The following NFATC3 variants were observed in gnomAD, a reference collection of about 807,000 sequenced individuals.
NFATC3 encodes nuclear factor of activated T-cells, cytoplasmic 3.
Under a neutral mutation model 98.6 loss-of-function variants are expected in NFATC3, and 46 were observed. The ratio of observed to expected loss-of-function variants is 0.47; its 90% CI spans 0.37 to 0.60. The LOEUF (loss-of-function observed/expected upper bound fraction) is 0.60. Ranked by LOEUF, NFATC3 falls within the 20% of genes least tolerant of loss-of-function variation. The pLI is 0.00. For synonymous variants in NFATC3, 512 were observed against 472.2 expected, an observed-to-expected ratio of 1.08 and a Z score of -1.09; for missense variants, 1,256 against 1,295.5, an observed-to-expected ratio of 0.97 and a Z score of 0.47.
At chr16:68,206,887 A>C (rs2041167427) in intron 9 of NFATC3, among the ~76,000 whole-genome samples, 1 of 151,248 alleles carries the variant, frequency 6.6e-6, no homozygotes, top group Admixed American at 6.6e-5. Context: ...GGAGGCTGAG[A>C]TGAGAGGATC....
At chr16:68,206,189 A>G (rs1019538753) in intron 9 of NFATC3, among the ~76,000 whole-genome samples, 1 of 152,224 alleles carries the variant, frequency 6.6e-6, no homozygotes, top group African/African-American at 2.4e-5. Flanking sequence ...AGAGCTGTGA[A>G]AACCTAATTA....
chr16:68,190,206 A>T (rs1041393067), intron 8 of NFATC3, among the ~76,000 whole-genome samples: 1 of 152,202 alleles, frequency 6.6e-6, no homozygotes, highest in Admixed American at 6.5e-5. Context: ...TGATCCCCAC[A>T]TGATGGCAGA....
At chr16:68,089,937 G>C (rs2034611980) in intron 1 of NFATC3, among the ~76,000 whole-genome samples, 1 of 152,104 alleles carries the variant, frequency 6.6e-6, no homozygotes, top group Admixed American at 6.6e-5. Context: ...TCAAAGGGGA[G>C]AAATATCTTA....
At chr16:68,176,472 A>G (rs780286205) in intron 6 of NFATC3, among the ~76,000 whole-genome samples, 1 of 151,952 alleles carries the variant, frequency 6.6e-6, no homozygotes, top group Non-Finnish European at 1.5e-5. Context: ...TTTCACTACT[A>G]TAAAGTTTTT....
At chr16:68,215,302 T>G (rs1478416937) in intron 9 of NFATC3, among the ~76,000 whole-genome samples, 1 of 152,198 alleles carries the variant, frequency 6.6e-6, no homozygotes, top group East Asian at 1.9e-4. Context: ...GAGTGGTGAC[T>G]TAATTCCTGC....
In NFATC3 at chr16:68,127,086, A is replaced by G. The variant is rs539835992; in HGVS notation, c.1401+476A>G. On this transcript the variant is annotated intron_variant, in intron 3 of 9. Transcript: ENST00000346183. Reference sequence around the variant, plus strand: ...AAATGAGCAGGGCGTGGTGGCGGGCACCTGTAATCCCAGCTCTGCGGCAGG... The same window carrying G: ...AAATGAGCAGGGCGTGGTGGCGGGCGCCTGTAATCCCAGCTCTGCGGCAGG... Among the ~76,000 whole-genome samples, 187 of 151,996 alleles carry G rather than the reference A, an allele frequency of 1.2e-3. 1 individual carries two copies. Among genetic ancestry groups the G allele is most frequent in the African/African-American group, 4.2e-3 (175 of 41,446 alleles).
At position 68,122,451 on chromosome 16, in the gene NFATC3, G is replaced by A; in HGVS notation, c.568G>A (p.Asp190Asn). The A allele has an allele frequency of 6.2e-7, 1 of 1,614,070 alleles. No homozygotes were observed. Among genetic ancestry groups the A allele is most frequent in the Non-Finnish European group, 8.5e-7 (1 of 1,180,018 alleles). Residue 190 changes from aspartate (D) to asparagine (N), a missense_variant, in exon 2 of 10, where the codon GAT (aspartate) becomes AAT (asparagine). By Grantham distance (23) the Asp-to-Asn change is conservative. Transcript: ENST00000346183. ...SSCESLSHIY[D>N]DVDSELNEAA... ...TTGTGAATCGCTTTCACATATTTAT[G>A]ATGATGTGGACTCAGAGTTGAATGA...
At chr16:68,119,969 A>C (rs2036483751) in intron 1 of NFATC3, among the ~76,000 whole-genome samples, 1 of 152,138 alleles carries the variant, frequency 6.6e-6, no homozygotes, top group African/African-American at 2.4e-5. Flanking sequence ...TTAGCTCCCC[A>C]AAAATGGCAA....
Position 68,191,333 on chromosome 16 carries a change from T to C in NFATC3, c.2664T>C (p.Asn888=). The change falls in exon 9 of 10, where the codon AAT becomes AAC. Residue 888 remains asparagine, a synonymous_variant. Transcript: ENST00000346183. ...AATCAATGGGATATCATTGTTCAAA[T>C]ACAGGACAAAGATCTCTTTCTTCTC... ...HLQSMGYHCS[N]TGQRSLSSPV... The C allele has an allele frequency of 6.2e-7, 1 of 1,614,206 alleles. No individual in the cohort carries two copies.
intron 5 of NFATC3, 69 bp from the exon 6 acceptor site, chr16:68,174,305 C>A: frequency 4.2e-6 from 5 of 1,201,630 alleles, no homozygotes; most frequent in Non-Finnish European, 5.5e-6. Flanking sequence ...TTGAGTTTGT[C>A]ATTTATGTAT....
intron 4 of NFATC3, among the ~76,000 whole-genome samples, chr16:68,164,577 A>G (rs1461370809): frequency 6.6e-6 from 1 of 152,184 alleles, no homozygotes; most frequent in African/African-American, 2.4e-5. Context: ...ATATTGATGT[A>G]GCAGTGCTAC....
intron 4 of NFATC3, among the ~76,000 whole-genome samples, chr16:68,158,273 C>T (rs1252232824): frequency 6.6e-6 from 1 of 152,020 alleles, no homozygotes; most frequent in Non-Finnish European, 1.5e-5. Flanking sequence ...CTATATATTA[C>T]CAGCCAAGCC....
rs191773700 is a variant in NFATC3 at position 68,157,361 on chromosome 16, G to A, written c.1402-508G>A. Among the ~76,000 whole-genome samples the A allele has an allele frequency of 9.6e-4, 146 of 152,242 alleles. No homozygotes were observed. The Middle Eastern group carries it at 0.01, about 11-fold the overall frequency. The stretch of plus-strand genomic sequence containing the variant: ...GGTGGCAGCTCAAAATCTCATTTCA[G>A]TTTTAGCCTTAGCTAGGCTGCTTGG... On this transcript the variant is annotated intron_variant, in intron 3 of 9. Transcript: ENST00000346183.
At chr16:68,127,625 C>G (rs2036906046) in intron 3 of NFATC3, among the ~76,000 whole-genome samples, 1 of 149,590 alleles carries the variant, frequency 6.7e-6, no homozygotes, top group African/African-American at 2.5e-5. Flanking sequence ...GAGGTTGAGG[C>G]TGTAGTGAGC....
At chr16:68,157,201 T>TGCCTCTGTCTCTCTCTCC (rs2038664251) in intron 3 of NFATC3, among the ~76,000 whole-genome samples, 1 of 152,016 alleles carries the variant, frequency 6.6e-6, no homozygotes, top group African/African-American at 2.4e-5. Flanking sequence ...TCTCTCTCTC[T>TGCCTCTGTCTCTCTCTCC]GTCTCTGTCT....
At chr16:68,113,631 G>C (rs2036102632) in intron 1 of NFATC3, among the ~76,000 whole-genome samples, 1 of 152,178 alleles carries the variant, frequency 6.6e-6, no homozygotes, top group African/African-American at 2.4e-5. Flanking sequence ...AGGTTCGGCT[G>C]TGCTGGGGAG....
chr16:68,195,591 G>C (rs955706654), intron 9 of NFATC3, among the ~76,000 whole-genome samples: 1 of 152,018 alleles, frequency 6.6e-6, no homozygotes, highest in African/African-American at 2.4e-5. Flanking sequence ...GGCGGATCAC[G>C]AGGTCAGGAG....
chr16:68,195,784 G>A (rs927831273), intron 9 of NFATC3, among the ~76,000 whole-genome samples: 8 of 152,028 alleles, frequency 5.3e-5, no homozygotes, highest in African/African-American at 1.9e-4. Flanking sequence ...CTCCAGCCTG[G>A]GCAACAGTGC....
chr16:68,103,715 T>C lies in NFATC3; in HGVS notation c.103+17931T>C, dbSNP rs186943026. The stretch of plus-strand genomic sequence containing the variant: ...GTTGTTGATCCTTTTTGAGTTAATT[T>C]TTGTATATGGTATGAGGAAGGGGTT... On this transcript the variant is annotated intron_variant, in intron 1 of 9. Coordinates refer to ENST00000346183, the MANE Select transcript of NFATC3 (RefSeq NM_173165.3). Among the ~76,000 whole-genome samples the C allele has an allele frequency of 1.8e-3, 268 of 152,344 alleles. 2 individuals carry two copies. The highest frequency in any genetic ancestry group is 2.9e-3 in the Non-Finnish European group (200 of 68,030).
Sources: allele counts gnomAD v4.1 joint callset (sites outside exome capture counted in the v4.1 genomes callset), GRCh38; gene constraint gnomAD v4.1.1; transcripts MANE v1.5; gene names NCBI Gene and HGNC (gene_info 2026-07-23, HGNC 2026-07-21).